Variants in EVI5 observed in about 807,000 individuals in gnomAD.
EVI5 encodes ecotropic viral integration site 5, also known as ecotropic viral integration site 5 protein homolog.
Under a neutral mutation model 112.0 loss-of-function variants are expected in EVI5, and 73 were observed. The ratio of observed to expected loss-of-function variants is 0.65; its 90% confidence interval spans 0.54 to 0.79. The LOEUF is 0.79. EVI5 is among the 30% of genes least tolerant of loss of function. The pLI is 0.00. For missense variants in EVI5, 900 were observed against 968.8 expected, an observed-to-expected ratio of 0.93 and a Z score of 0.94; for synonymous variants, 305 against 319.9, an observed-to-expected ratio of 0.95 and a Z score of 0.50.
At chr1:92,690,190 T>C (rs1558079805) in intron 9 of EVI5, among the ~76,000 whole-genome samples, 1 of 152,046 alleles carries the variant, frequency 6.6e-6, no homozygotes, top group South Asian at 2.1e-4. Context: ...AATAATGAAG[T>C]GTTTATATGT....
At chr1:92,700,642 A>T (rs1671005982) in intron 5 of EVI5, among the ~76,000 whole-genome samples, 1 of 152,196 alleles carries the variant, frequency 6.6e-6, no homozygotes, top group Non-Finnish European at 1.5e-5. Flanking sequence ...CACAGGATCC[A>T]CAGGATTCCT....
intron 1 of EVI5, among the ~76,000 whole-genome samples, chr1:92,783,457 C>T (rs1685125733): frequency 8.0e-6 from 1 of 125,654 alleles, no homozygotes; most frequent in South Asian, 2.5e-4. Flanking sequence ...TATATCCAGC[C>T]TAGGCAACAG....
chr1:92,754,783 T>C (rs1680672858), intron 1 of EVI5, among the ~76,000 whole-genome samples: 1 of 152,164 alleles, frequency 6.6e-6, no homozygotes, highest in Admixed American at 6.5e-5. Context: ...ATTCAATTGG[T>C]TACACAAGTC....
intron 1 of EVI5, among the ~76,000 whole-genome samples, chr1:92,776,554 T>A (rs1684160869): frequency 6.6e-6 from 1 of 152,088 alleles, no homozygotes; most frequent in South Asian, 2.1e-4. Context: ...GAAGCTTTTT[T>A]CAAAATAAAA....
intron 16 of EVI5, among the ~76,000 whole-genome samples, chr1:92,608,678 T>C (rs2101615582): frequency 6.7e-6 from 1 of 149,822 alleles, no homozygotes; most frequent in Non-Finnish European, 1.5e-5. Context: ...CACTCTAGCC[T>C]GGGTGACAAG....
chr1:92,612,446 T>A (rs1304162371), intron 16 of EVI5, among the ~76,000 whole-genome samples: 1 of 152,078 alleles, frequency 6.6e-6, no homozygotes, highest in Non-Finnish European at 1.5e-5. Context: ...CAGTGGCTCA[T>A]GCCTGTAATC....
chr1:92,608,949 G>T (rs2101618098), intron 16 of EVI5, among the ~76,000 whole-genome samples: 1 of 152,230 alleles, frequency 6.6e-6, no homozygotes, highest in Middle Eastern at 3.4e-3. Context: ...CTATTTCTCA[G>T]TTTGGTGTCT....
chr1:92,748,529 A>ATT (rs1451003967), intron 1 of EVI5, among the ~76,000 whole-genome samples: 1 of 152,234 alleles, frequency 6.6e-6, no homozygotes, highest in Non-Finnish European at 1.5e-5. Context: ...ATTAAGTTTC[A>ATT]TGGTGGTTTG....
At chr1:92,660,859 T>C (rs1032861196) in intron 13 of EVI5, among the ~76,000 whole-genome samples, 1 of 152,022 alleles carries the variant, frequency 6.6e-6, no homozygotes, top group Non-Finnish European at 1.5e-5. Context: ...GTTTTGATTG[T>C]GGTAGTGTTT....
Position 92,513,659 on chromosome 1 carries a change from G to A in EVI5, c.2478C>T (p.Val826=). The A allele has an allele frequency of 1.9e-6, 3 of 1,598,822 alleles. No homozygotes were observed. Among genetic ancestry groups the A allele is most frequent in the Non-Finnish European group, 2.6e-6 (3 of 1,170,702 alleles). ...ATAGTCTAGGTCACAGTGATGGTCA[G>A]ACAGTGGTTGAATACGACTCTCTTC... The part of the protein sequence containing the change: ...PRRRESYSTT[V] The change falls in exon 20 of 20, where the codon GTC becomes GTT. Residue 826 remains valine, a synonymous_variant. Coordinates refer to ENST00000684568, the MANE Select transcript of EVI5 (RefSeq NM_001350197.2).
Position 92,695,443 on chromosome 1 carries a change from G to A in EVI5, c.776C>T (p.Pro259Leu), listed in dbSNP as rs201771445. ...AGATTGAAAATGTACAAAGAGCTCTGGAAGATGCTCCTAAAGAGAAGAAAA... is the reference window on the plus strand; with the variant it reads ...AGATTGAAAATGTACAAAGAGCTCTAGAAGATGCTCCTAAAGAGAAGAAAA... ...QFECMIQEHL[P>L]ELFVHFQSQS... The change falls in exon 7 of 20, where the codon CCA becomes CTA. Residue 259 changes from proline (P) to leucine (L), a missense_variant. Coordinates refer to ENST00000684568, the MANE Select transcript of EVI5 (RefSeq NM_001350197.2). 1.9e-6 allele frequency: 3 copies of A among 1,597,334 alleles called. No individual in the cohort carries two copies. Among genetic ancestry groups the A allele is most frequent in the East Asian group, 2.2e-5 (1 of 44,782 alleles).
chr1:92,763,206 C>T (rs940107633), intron 1 of EVI5, among the ~76,000 whole-genome samples: 2 of 152,116 alleles, frequency 1.3e-5, no homozygotes, highest in Non-Finnish European at 2.9e-5. Context: ...GAGGTCAAGA[C>T]TGCAGTGAGC....
intron 16 of EVI5, among the ~76,000 whole-genome samples, chr1:92,618,906 T>C (rs1653853637): frequency 6.6e-6 from 1 of 152,278 alleles, no homozygotes; most frequent in Non-Finnish European, 1.5e-5. Context: ...ATTTAAGTAC[T>C]GTTAACTTTA....
intron 6 of EVI5, among the ~76,000 whole-genome samples, chr1:92,696,856 G>A (rs1378418110): frequency 6.6e-6 from 1 of 152,054 alleles, no homozygotes; most frequent in Non-Finnish European, 1.5e-5. Context: ...GGCTAACATG[G>A]TGAAACCCCA....
intron 13 of EVI5, among the ~76,000 whole-genome samples, chr1:92,661,422 AC>A (rs1378000176): frequency 6.6e-6 from 1 of 152,130 alleles, no homozygotes; most frequent in Non-Finnish European, 1.5e-5. Flanking sequence ...TATTTGAAAA[AC>A]AATGTAAAAA....
rs542366815 is a variant in EVI5 at position 92,784,659 on chromosome 1, G to A, written c.-82+177C>T. Among the ~76,000 whole-genome samples the A allele has an allele frequency of 1.8e-3, 274 of 152,064 alleles. 4 individuals are homozygous for A. Among genetic ancestry groups the A allele is most frequent in the African/African-American group, 6.0e-3 (251 of 41,514 alleles). ...GGCGGCGGCGGCGGCGACAGGCGAG[G>A]AAGCGAGTGCAGGGAACTTAGGCCC... is the stretch of plus-strand genomic sequence containing the variant. On this transcript the variant is annotated intron_variant, in intron 1 of 19. Coordinates refer to ENST00000684568, the MANE Select transcript of EVI5 (RefSeq NM_001350197.2).
In EVI5 at chr1:92,513,912, T is replaced by A. The variant is rs1487185975; in HGVS notation, c.2225A>T (p.His742Leu). 6.2e-7 allele frequency: 1 copy of A among 1,603,292 alleles called. No individual in the cohort carries two copies. Among genetic ancestry groups the A allele is most frequent in the Non-Finnish European group, 8.5e-7 (1 of 1,172,872 alleles). Residue 742 changes from histidine (H) to leucine (L), a missense_variant, in exon 20 of 20, where the codon CAC becomes CTC. By Grantham distance (99) the His-to-Leu change is moderately conservative (BLOSUM62 -3). Transcript: ENST00000684568. ...FSGQPPFDGI[H>L]IVNHLIGDDE... Reference sequence around the variant, plus strand: ...ATCTCCTATTAAATGGTTGACAATGTGGATTCCATCAAAAGGAGGTTGGCC... The same window carrying A: ...ATCTCCTATTAAATGGTTGACAATGAGGATTCCATCAAAAGGAGGTTGGCC...
At chr1:92,557,690 T>G (rs1401515212) in intron 19 of EVI5, among the ~76,000 whole-genome samples, 2 of 152,048 alleles carry the variant, frequency 1.3e-5, no homozygotes, top group Non-Finnish European at 2.9e-5. Flanking sequence ...AATCATCCAT[T>G]GTTCTCTGAC....
At chr1:92,606,712 T>C (rs34812295) in intron 17 of EVI5, among the ~76,000 whole-genome samples, 29,995 of 152,122 alleles carry the variant, frequency 0.2, 3,511 homozygotes, top group Middle Eastern at 0.26. Context: ...CAGCTTTACA[T>C]GTGCCATCAA....
Sources: allele counts gnomAD v4.1 joint callset (sites outside exome capture counted in the v4.1 genomes callset), GRCh38; gene constraint gnomAD v4.1.1; transcripts MANE v1.5; gene names NCBI Gene and HGNC (gene_info 2026-07-23, HGNC 2026-07-21).